SIMC1: variants seen among roughly 807,000 people sequenced by gnomAD.
The protein encoded by SIMC1 is SUMO-interacting motif-containing protein 1.
Under a neutral mutation model 82.3 loss-of-function variants are expected in SIMC1, and 55 were observed. The ratio of observed to expected loss-of-function variants is 0.67; its 90% CI spans 0.54 to 0.84. The LOEUF is 0.84. SIMC1 is among the 40% of genes least tolerant of loss of function. The pLI, the probability that SIMC1 is intolerant of heterozygous loss-of-function variation, is 0.00. For synonymous variants in SIMC1, 353 were observed against 426.3 expected (o/e 0.83, Z 2.12); for missense variants, 915 against 1,107.2 (o/e 0.83, Z 2.46).
chr5:176,344,504 CA>C (rs1766324862), intron 9 of SIMC1, among the ~76,000 whole-genome samples: 6 of 142,404 alleles, frequency 4.2e-5, no homozygotes, highest in Admixed American at 2.8e-4. Flanking sequence ...CACACACACA[CA>C]CCTGAGACTG....
In SIMC1 at chr5:176,277,753, G is replaced by A. The variant is rs112962016; in HGVS notation, c.130-11901G>A. Reference sequence around the variant, plus strand: ...TTCTCAGGTTTGTCAAAGATCAGATGGTTGTAGATATGCGGTGTTATTTCT... The same window carrying A: ...TTCTCAGGTTTGTCAAAGATCAGATAGTTGTAGATATGCGGTGTTATTTCT... On this transcript the variant is annotated intron_variant, in intron 1 of 9. Transcript: ENST00000429602. 5.9e-5 allele frequency among the ~76,000 whole-genome samples: 9 copies of A among 151,974 alleles called. 1 individual carries two copies. Among genetic ancestry groups the A allele is most frequent in the African/African-American group, 1.9e-4 (8 of 41,342 alleles).
chr5:176,280,394 G>C (rs1762936640), intron 1 of SIMC1, among the ~76,000 whole-genome samples: 1 of 151,566 alleles, frequency 6.6e-6, no homozygotes, highest in Non-Finnish European at 1.5e-5. Context: ...TATCCAATTT[G>C]CCAGTCTGTG....
chr5:176,286,236 A>G (rs1278014324), intron 1 of SIMC1, among the ~76,000 whole-genome samples: 12 of 152,298 alleles, frequency 7.9e-5, no homozygotes, highest in Non-Finnish European at 1.6e-4. Context: ...ACTTCAAGCT[A>G]TACTACAAGG....
intron 1 of SIMC1, among the ~76,000 whole-genome samples, chr5:176,269,171 GAGAA>G (rs201125379): frequency 0.021 from 3,182 of 152,076 alleles, 38 homozygotes; most frequent in Middle Eastern, 0.065. Context: ...TAAGAAGCTA[GAGAA>G]AGAACAAATT....
intron 1 of SIMC1, among the ~76,000 whole-genome samples, chr5:176,279,688 G>T (rs1389403939): frequency 1.3e-5 from 2 of 150,304 alleles, no homozygotes; most frequent in Non-Finnish European, 3.0e-5. Flanking sequence ...TGTTCTCGTT[G>T]GTTTCAAAGA....
intron 1 of SIMC1, among the ~76,000 whole-genome samples, chr5:176,246,827 T>A (rs569514795): frequency 3.0e-4 from 46 of 152,118 alleles, no homozygotes; most frequent in Middle Eastern, 3.4e-3. Context: ...TTCTCATTGT[T>A]CAACTTCCAC....
chr5:176,278,834 C>T (rs1427087096), intron 1 of SIMC1, among the ~76,000 whole-genome samples: 5 of 148,824 alleles, frequency 3.4e-5, no homozygotes, highest in Admixed American at 2.7e-4. Flanking sequence ...TTTTGATGTG[C>T]TGCTGGATTC....
rs181013481 is a variant in SIMC1 at position 176,274,970 on chromosome 5, G to A, written c.130-14684G>A. Among the ~76,000 whole-genome samples the A allele has an allele frequency of 2.3e-3, 355 of 151,850 alleles. 1 individual carries two copies. The highest frequency in any genetic ancestry group is 8.0e-3 in the African/African-American group (333 of 41,474). On this transcript the variant is annotated intron_variant, in intron 1 of 9. Transcript: ENST00000429602. Reference sequence around the variant, plus strand: ...GACTTGGCGATGTGGGCTCTTTTTTGGTTCCGTATGAACTTTAAAGTAGTT... The same window carrying A: ...GACTTGGCGATGTGGGCTCTTTTTTAGTTCCGTATGAACTTTAAAGTAGTT...
chr5:176,263,792 T>TA (rs1303280671), intron 1 of SIMC1, among the ~76,000 whole-genome samples: 1 of 152,208 alleles, frequency 6.6e-6, no homozygotes, highest in African/African-American at 2.4e-5. Context: ...CCAAAAGTCT[T>TA]AACTCATTCC....
At chr5:176,282,584 C>G (rs571416475) in intron 1 of SIMC1, among the ~76,000 whole-genome samples, 21 of 152,286 alleles carry the variant, frequency 1.4e-4, no homozygotes, top group African/African-American at 5.1e-4. Flanking sequence ...GCTCCTCCCC[C>G]CGAAAAGCTG....
At chr5:176,325,130 A>G (rs1344771686) in intron 7 of SIMC1, among the ~76,000 whole-genome samples, 1 of 152,234 alleles carries the variant, frequency 6.6e-6, no homozygotes, top group Non-Finnish European at 1.5e-5. Flanking sequence ...CTGTAATCCC[A>G]GCACTTTGGG....
At chr5:176,272,796 C>A (rs1460680179) in intron 1 of SIMC1, among the ~76,000 whole-genome samples, 2 of 152,226 alleles carry the variant, frequency 1.3e-5, no homozygotes, top group East Asian at 1.9e-4. Context: ...TATCCTGCGC[C>A]TAGCTTGGAG....
intron 9 of SIMC1, among the ~76,000 whole-genome samples, chr5:176,342,917 A>G (rs1205131685): frequency 6.6e-6 from 1 of 152,232 alleles, no homozygotes; most frequent in Non-Finnish European, 1.5e-5. Context: ...AAGGCTCTAA[A>G]TTCCACTGTG....
At chr5:176,335,633 C>T (rs76830640) in intron 7 of SIMC1, among the ~76,000 whole-genome samples, 218 of 152,222 alleles carry the variant, frequency 1.4e-3, no homozygotes, top group Middle Eastern at 3.4e-3. Context: ...ACAGTTCCTA[C>T]TGTGTTCCAT....
chr5:176,345,365 T>C lies in SIMC1; in HGVS notation c.2596T>C (p.Leu866=), dbSNP rs747761109. The change falls in exon 10 of 10, where the codon TTG becomes CTG. Residue 866 remains leucine, a synonymous_variant. Coordinates refer to ENST00000429602, the MANE Select transcript of SIMC1 (RefSeq NM_001308195.2). ...CCCCCAACTCCAAGACAAAGTGCAC[T>C]TGTTGAAGCTCCTGCTCTTCTATGC... ...LVPQLQDKVH[L]LKLLLFYAAD... 1.7e-5 allele frequency: 28 copies of C among 1,613,872 alleles called. No individual in the cohort carries two copies. The Admixed American group carries it at 4.5e-4, about 26-fold the overall frequency.
chr5:176,282,393 CA>C (rs1763053515), intron 1 of SIMC1, among the ~76,000 whole-genome samples: 1 of 152,242 alleles, frequency 6.6e-6, no homozygotes. Flanking sequence ...CGGAGTGAGG[CA>C]ATGCCTCGCC....
intron 1 of SIMC1, among the ~76,000 whole-genome samples, chr5:176,265,753 G>A (rs1283693127): frequency 6.6e-6 from 1 of 151,992 alleles, no homozygotes; most frequent in Non-Finnish European, 1.5e-5. Flanking sequence ...AATATGTGAT[G>A]GAAATGCAAA....
intron 5 of SIMC1, among the ~76,000 whole-genome samples, chr5:176,320,764 A>G (rs1391930690): frequency 6.6e-6 from 1 of 151,938 alleles, no homozygotes; most frequent in African/African-American, 2.4e-5. Context: ...TTTTTAAGTA[A>G]ATAGGATTAA....
chr5:176,339,969 G>C (rs1259129300), intron 9 of SIMC1, among the ~76,000 whole-genome samples: 1 of 152,196 alleles, frequency 6.6e-6, no homozygotes, highest in African/African-American at 2.4e-5. Flanking sequence ...TGTGGATGTT[G>C]TTGAGGGCAT....
Sources: allele counts gnomAD v4.1 joint callset (sites outside exome capture counted in the v4.1 genomes callset), GRCh38; gene constraint gnomAD v4.1.1; transcripts MANE v1.5; gene names NCBI Gene and HGNC (gene_info 2026-07-23, HGNC 2026-07-21).